Variants in USP9Y observed in about 807,000 individuals in gnomAD.
USP9Y encodes the protein ubiquitin carboxyl-terminal hydrolase 9Y.
In USP9Y, 41 loss-of-function variants were observed where a neutral mutation model predicts 53.1. The observed-to-expected ratio is 0.77, with a 90% CI of 0.60 to 1.00. USP9Y has a LOEUF of 1.00. USP9Y is among the 50% of genes least tolerant of loss of function. The pLI is 0.00. For missense variants in USP9Y, 567 were observed against 535.8 expected (o/e 1.06, Z -0.58); for synonymous variants, 220 against 173.7 (o/e 1.27, Z -2.09).
At chrY:12,820,772 TAC>T in intron 33 of USP9Y, among the ~76,000 whole-genome samples, 1 of 33,790 alleles carries the variant, frequency 3.0e-5, no homozygotes, top group Non-Finnish European at 7.3e-5. Context: ...GATAACTGAA[TAC>T]ACAGTTACAT....
chrY:12,853,267 G>C, intron 42 of USP9Y, among the ~76,000 whole-genome samples: 1 of 34,274 alleles, frequency 2.9e-5, no homozygotes, highest in Non-Finnish European at 7.3e-5. Flanking sequence ...CAGCCAGGCT[G>C]CTGCCTTGCA....
At chrY:12,735,789 ATTAAG>A (rs2053451032) in intron 8 of USP9Y, 62 bp downstream of exon 8, 6 of 269,176 alleles carry the variant, frequency 2.2e-5, no homozygotes, top group Non-Finnish European at 2.9e-5. Context: ...TGCAGCTCTT[ATTAAG>A]TTATGTTTTC....
intron 14 of USP9Y, 44 bp downstream of exon 14, chrY:12,758,686 A>G: frequency 3.5e-6 from 1 of 287,803 alleles, no homozygotes; most frequent in Non-Finnish European, 5.1e-6. Flanking sequence ...TTATCTGTAT[A>G]TTATGTTGGA....
chrY:12,701,630 T>C lies in USP9Y; in HGVS notation c.-546T>C. The C allele has an allele frequency of 2.9e-5, 1 of 33,980 alleles. No individual in the cohort carries two copies. The highest frequency in any genetic ancestry group is 2.7e-4 in the Admixed American group (1 of 3,744). The allele number at this position is 33,980 out of a possible 400,897, so 8.5% of individuals were successfully genotyped here. A position where few individuals can be genotyped will look rare whatever the true frequency, so the allele number is the denominator to read the frequency against. Reference sequence around the variant, plus strand: ...ATAGGTACTTATTTATACAGTATGATAACTGCTGTATTAAAATACATGTCT... The same window carrying C: ...ATAGGTACTTATTTATACAGTATGACAACTGCTGTATTAAAATACATGTCT... On this transcript the variant is annotated 5_prime_UTR_variant, in exon 1 of 46. Coordinates refer to ENST00000338981, the MANE Select transcript of USP9Y (RefSeq NM_004654.4).
chrY:12,723,382 T>A, intron 5 of USP9Y, among the ~76,000 whole-genome samples: 3 of 29,460 alleles, frequency 1.0e-4, no homozygotes, highest in South Asian at 1.5e-3. Context: ...TTATTATATT[T>A]TATTTTATTT....
At chrY:12,781,842 G>A (rs951276229) in intron 22 of USP9Y, among the ~76,000 whole-genome samples, 3 of 33,110 alleles carry the variant, frequency 9.1e-5, no homozygotes, top group African/African-American at 3.5e-4. Flanking sequence ...TTCCTTCCCC[G>A]ACTGATGTCT....
intron 1 of USP9Y, among the ~76,000 whole-genome samples, chrY:12,706,998 G>A: frequency 1.5e-4 from 5 of 33,338 alleles, no homozygotes; most frequent in Middle Eastern, 0.014. Context: ...TTGTTATAAC[G>A]TTTTGTCTTG....
At chrY:12,817,589 G>A (rs2053537541) in intron 32 of USP9Y, among the ~76,000 whole-genome samples, 1 of 34,006 alleles carries the variant, frequency 2.9e-5, no homozygotes. Flanking sequence ...CTACTGAAAG[G>A]AAATTGGAAA....
At chrY:12,855,767 A>C (rs112378995) in intron 42 of USP9Y, among the ~76,000 whole-genome samples, 134 of 32,765 alleles carry the variant, frequency 4.1e-3, no homozygotes, top group African/African-American at 0.014. Flanking sequence ...AAGAAGTCTT[A>C]AAAGACTAAT....
chrY:12,824,664 G>A, intron 33 of USP9Y, among the ~76,000 whole-genome samples: 1 of 33,386 alleles, frequency 3.0e-5, no homozygotes, highest in Non-Finnish European at 7.4e-5. Flanking sequence ...AAAAAGAACT[G>A]TACAGAAGTA....
At chrY:12,788,491 G>A in intron 24 of USP9Y, among the ~76,000 whole-genome samples, 1 of 33,235 alleles carries the variant, frequency 3.0e-5, no homozygotes, top group South Asian at 6.7e-4. Context: ...ATAATTGCTA[G>A]AGATGCATGT....
At chrY:12,813,730 G>A (rs1052209725) in intron 31 of USP9Y, among the ~76,000 whole-genome samples, 3 of 34,299 alleles carry the variant, frequency 8.7e-5, no homozygotes, top group Non-Finnish European at 1.5e-4. Flanking sequence ...GGGTGAGGAC[G>A]TTTTCAATCA....
intron 12 of USP9Y, 32 bp downstream of exon 12, chrY:12,739,661 T>C: frequency 7.0e-6 from 2 of 285,995 alleles, no homozygotes; most frequent in Non-Finnish European, 1.1e-5. Context: ...TATTGCCAAA[T>C]AGTAAATATT....
intron 34 of USP9Y, among the ~76,000 whole-genome samples, chrY:12,834,776 A>G: frequency 3.0e-5 from 1 of 33,881 alleles, no homozygotes; most frequent in African/African-American, 1.2e-4. Context: ...AACAGAATAT[A>G]CATAGTATAC....
At chrY:12,726,172 A>G (rs2053442044) in intron 6 of USP9Y, among the ~76,000 whole-genome samples, 1 of 33,625 alleles carries the variant, frequency 3.0e-5, no homozygotes, top group East Asian at 7.8e-4. Context: ...GAATTGACCT[A>G]TAACTTTTTT....
In USP9Y at chrY:12,856,638, C is replaced by A; in HGVS notation, c.7227C>A (p.Asn2409Lys). Reference sequence around the variant, plus strand: ...AGTTTTATTTTTTTCTAAAGGGTAACGGAGATCTTAAAAGAAAATGGACCT... The same window carrying A: ...AGTTTTATTTTTTTCTAAAGGGTAAAGGAGATCTTAAAAGAAAATGGACCT... ...CPVAYQILQG[N>K]GDLKRKWTWA... The change falls in exon 44 of 46, where the codon AAC becomes AAA. Residue 2409 changes from asparagine (N) to lysine (K), a missense_variant. Transcript: ENST00000338981. 5.0e-6 allele frequency: 2 copies of A among 396,135 alleles called. No individual in the cohort carries two copies. The highest frequency in any genetic ancestry group is 7.1e-6 in the Non-Finnish European group (2 of 282,002).
chrY:12,729,858 A>G, intron 7 of USP9Y, among the ~76,000 whole-genome samples: 1 of 33,618 alleles, frequency 3.0e-5, no homozygotes, highest in Non-Finnish European at 7.4e-5. Context: ...TTCTAAGTGC[A>G]CTTGACGAGA....
At chrY:12,804,994 C>T in intron 27 of USP9Y, among the ~76,000 whole-genome samples, 1 of 32,501 alleles carries the variant, frequency 3.1e-5, no homozygotes, top group African/African-American at 1.2e-4. Flanking sequence ...ATTATCAATG[C>T]GGGTCTTTAG....
chrY:12,736,469 G>T lies in USP9Y; in HGVS notation c.1084G>T (p.Val362Phe). Residue 362 changes from valine (V) to phenylalanine (F), a missense_variant, in exon 10 of 46, where the codon GTT becomes TTT. Val to Phe is a conservative substitution (Grantham distance 50, BLOSUM62 -1). Coordinates refer to ENST00000338981, the MANE Select transcript of USP9Y (RefSeq NM_004654.4). Reference protein sequence around the residue: ...KMNALNEINKVISSVSYYTHR... With the variant: ...KMNALNEINKFISSVSYYTHR... Reference sequence around the variant, plus strand: ...GAATGCACTGAATGAAATAAATAAGGTTATATCTAGTGTATCATATTATAC... The same window carrying T: ...GAATGCACTGAATGAAATAAATAAGTTTATATCTAGTGTATCATATTATAC... The T allele has an allele frequency of 2.6e-6, 1 of 391,362 alleles. No homozygotes were observed. The highest frequency in any genetic ancestry group is 3.6e-6 in the Non-Finnish European group (1 of 277,675).
Sources: gnomAD v4.1 joint callset for allele counts (sites outside exome capture counted in the v4.1 genomes callset) on GRCh38, gnomAD v4.1.1 for gene constraint, MANE v1.5 for transcripts, NCBI Gene and HGNC (gene_info 2026-07-23, HGNC 2026-07-21) for gene names.